The following PGAM5 variants were observed in gnomAD, a reference collection of about 807,000 sequenced individuals.
PGAM5 encodes serine/threonine-protein phosphatase PGAM5, mitochondrial.
PGAM5 carries 25 observed loss-of-function variants against 30.6 expected under a neutral mutation model. The observed-to-expected ratio is 0.82, with a 90% CI of 0.60 to 1.14. PGAM5 has a LOEUF of 1.14. PGAM5 is among the 50% of genes most tolerant of loss of function. The pLI is 0.00. For missense variants in PGAM5, 384 were observed against 408.5 expected (o/e 0.94, Z 0.52); for synonymous variants, 201 against 179.1 (o/e 1.12, Z -0.98).
chr12:132,712,858 G>T (rs1038760088), intron 1 of PGAM5, among the ~76,000 whole-genome samples: 3 of 151,902 alleles, frequency 2.0e-5, no homozygotes, highest in African/African-American at 7.3e-5. Context: ...TTACTCTGCC[G>T]TTAAAGAACT....
At position 132,720,818 on chromosome 12, in the gene PGAM5, C is replaced by T; in HGVS notation, c.860C>T (p.Thr287Ile). ...GGGTTCATGCCTCCCGACAAGATCA[C>T]TCGATCCTGAGGGCTCCGGCCTCTC... ...DTGFMPPDKITRS is the reference protein window; with the variant it reads ...DTGFMPPDKIIRS The change falls in exon 6 of 6, where the codon ACT becomes ATT. Residue 287 changes from threonine to isoleucine, a missense_variant. Thr to Ile is a moderately conservative substitution (Grantham distance 89). Coordinates refer to ENST00000498926, the MANE Select transcript of PGAM5 (RefSeq NM_001170543.2). 6.5e-7 allele frequency: 1 copy of T among 1,536,458 alleles called. No homozygotes were observed. Among genetic ancestry groups the T allele is most frequent in the Non-Finnish European group, 8.7e-7 (1 of 1,146,830 alleles).
chr12:132,718,012 T>G lies in PGAM5; in HGVS notation c.611T>G (p.Ile204Ser). Residue 204 changes from isoleucine to serine, a missense_variant, in exon 5 of 6, where the codon ATC becomes AGC. Ile to Ser is a moderately radical substitution (Grantham distance 142, BLOSUM62 -2). Coordinates refer to ENST00000498926, the MANE Select transcript of PGAM5 (RefSeq NM_001170543.2). ...AVQYYEDGAR[I>S]EAAFRNYIHR... ...CAGTATTACGAAGACGGAGCCCGGA[T>G]CGAGGCCGCCTTCCGGAACTACATC... 1 of 1,612,700 alleles carries G rather than the reference T, an allele frequency of 6.2e-7. No individual in the cohort carries two copies. The highest frequency in any genetic ancestry group is 8.5e-7 in the Non-Finnish European group (1 of 1,179,970).
At chr12:132,719,396 T>C (rs896402638) in intron 5 of PGAM5, among the ~76,000 whole-genome samples, 1 of 152,150 alleles carries the variant, frequency 6.6e-6, no homozygotes, top group African/African-American at 2.4e-5. Flanking sequence ...AAGTCGAGGA[T>C]GTACGGGCCG....
rs2043516025 is a variant in PGAM5 at position 132,710,990 on chromosome 12, G to A, written c.114G>A (p.Glu38=). 3.3e-6 allele frequency: 4 copies of A among 1,201,732 alleles called. No individual in the cohort carries two copies. Among genetic ancestry groups the A allele is most frequent in the East Asian group, 3.5e-5 (1 of 28,848 alleles). The allele number at this position is 1,201,732 out of a possible 1,614,324, so 74.4% of individuals were successfully genotyped here. The part of the protein sequence containing the change: ...VGKPRAGGDA[E]PRPAEPPAWA... ...AGCCGCGCGCAGGCGGGGACGCGGA[G>A]CCACGCCCGGCTGAGCCGCCGGCCT... The change falls in exon 1 of 6, where the codon GAG becomes GAA. Residue 38 remains glutamate (E), a synonymous_variant. Transcript: ENST00000498926.
At position 132,714,893 on chromosome 12, in the gene PGAM5, G is replaced by C; in HGVS notation, c.227G>C (p.Arg76Thr). 1 of 1,613,752 alleles carries C rather than the reference G, an allele frequency of 6.2e-7. No individual in the cohort carries two copies. The highest frequency in any genetic ancestry group is 8.5e-7 in the Non-Finnish European group (1 of 1,179,982). ...EPLSLINVRK[R>T]NVESGEEELA... is the part of the protein sequence containing the mutation. The stretch of plus-strand genomic sequence containing the variant: ...CTGTCTCTGATCAACGTGCGGAAGA[G>C]GAACGTGGAATCTGGGGAAGAAGAG... Residue 76 changes from arginine (R) to threonine (T), a missense_variant, in exon 2 of 6, where the codon AGG becomes ACG. Transcript: ENST00000498926.
intron 1 of PGAM5, among the ~76,000 whole-genome samples, chr12:132,712,872 A>C (rs2043536085): frequency 6.6e-6 from 1 of 152,012 alleles, no homozygotes; most frequent in African/African-American, 2.4e-5. Flanking sequence ...AAGAACTTGA[A>C]GTAGGCTGGG....
At chr12:132,712,077 T>C (rs1023967082) in intron 1 of PGAM5, among the ~76,000 whole-genome samples, 5 of 152,242 alleles carry the variant, frequency 3.3e-5, no homozygotes, top group Non-Finnish European at 7.3e-5. Flanking sequence ...ATTAGATTTT[T>C]ATCTTTTGTT....
chr12:132,711,035 G>T lies in PGAM5; in HGVS notation c.159G>T (p.Pro53=). 3 of 1,213,418 alleles carry T rather than the reference G, an allele frequency of 2.5e-6. No homozygotes were observed. Among genetic ancestry groups the T allele is most frequent in the Non-Finnish European group, 3.1e-6 (3 of 976,028 alleles). 75.2% of individuals were successfully genotyped at this position (1,213,418 alleles called of 1,614,324 possible). The change falls in exon 1 of 6, where the codon CCG becomes CCT. Residue 53 remains proline (P), a synonymous_variant. Coordinates refer to ENST00000498926, the MANE Select transcript of PGAM5 (RefSeq NM_001170543.2). The part of the protein sequence containing the change: ...EPPAWAGGAR[P]GPGVWDPNWD... ...CGGCCTGGGCGGGGGGCGCGCGGCC[G>T]GGCCCCGGTGTCTGGGACCCCAACT...
intron 5 of PGAM5, chr12:132,718,875 C>CGCT (rs2043615638): frequency 6.2e-7 from 1 of 1,610,890 alleles, no homozygotes; most frequent in Non-Finnish European, 8.5e-7. Flanking sequence ...TCGGGGTGTC[C>CGCT]GCTCCCCTCT....
intron 1 of PGAM5, among the ~76,000 whole-genome samples, chr12:132,714,329 A>C (rs2043551331): frequency 6.6e-6 from 1 of 152,206 alleles, no homozygotes; most frequent in Admixed American, 6.5e-5. Context: ...AGGGTCTAAA[A>C]TGTGCTTAGT....
chr12:132,714,866 C>T lies in PGAM5; in HGVS notation c.200C>T (p.Pro67Leu), dbSNP rs541252386. 1 of 1,613,670 alleles carries T rather than the reference C, an allele frequency of 6.2e-7. No homozygotes were observed. The highest frequency in any genetic ancestry group is 1.3e-5 in the African/African-American group (1 of 75,070). Residue 67 changes from proline (P) to leucine (L), a missense_variant, in exon 2 of 6, where the codon CCA (proline) becomes CTA (leucine). Transcript: ENST00000498926. ...TTGTATTTCAACATCAGGCGAGAAC[C>T]ACTGTCTCTGATCAACGTGCGGAAG... Reference protein sequence around the residue: ...VWDPNWDRREPLSLINVRKRN... With the variant: ...VWDPNWDRRELLSLINVRKRN...
intron 5 of PGAM5, among the ~76,000 whole-genome samples, chr12:132,720,377 A>G (rs184783778): frequency 2.1e-4 from 32 of 149,124 alleles, no homozygotes; most frequent in Admixed American, 5.4e-4. Flanking sequence ...GCGCGATCTC[A>G]GCTCACTGCA....
intron 4 of PGAM5, 37 bp downstream of exon 4, chr12:132,717,835 G>A (rs936830302): frequency 4.4e-6 from 7 of 1,579,428 alleles, no homozygotes; most frequent in African/African-American, 1.4e-5. Flanking sequence ...TGTCACCCTC[G>A]CCTTCCCTGG....
chr12:132,713,946 T>G (rs1047510973), intron 1 of PGAM5, among the ~76,000 whole-genome samples: 1 of 151,856 alleles, frequency 6.6e-6, no homozygotes, highest in Non-Finnish European at 1.5e-5. Context: ...TGGGATCCAC[T>G]CTTTTTCAGA....
intron 2 of PGAM5, among the ~76,000 whole-genome samples, chr12:132,716,817 C>T (rs530138474): frequency 4.9e-4 from 75 of 152,346 alleles, no homozygotes; most frequent in South Asian, 8.3e-4. Context: ...CCTCCACAGA[C>T]GCCGCCCCCC....
At chr12:132,716,832 C>T (rs180838446) in intron 2 of PGAM5, among the ~76,000 whole-genome samples, 18 of 152,320 alleles carry the variant, frequency 1.2e-4, no homozygotes, top group Non-Finnish European at 2.6e-4. Context: ...CCCCCCAGTC[C>T]CCAGAGCTGT....
rs1254337861 is a variant in PGAM5, at chr12:132,722,281, C to T, written c.*1453C>T. The T allele has an allele frequency of 5.4e-5, 8 of 148,160 alleles. No individual in the cohort carries two copies. The highest frequency in any genetic ancestry group is 2.0e-4 in the East Asian group (1 of 4,950). 9.2% of individuals were successfully genotyped at this position (148,160 alleles called of 1,614,324 possible). ...TTTTTTTTTTTTGGAGACGGAGTCT[C>T]GCTCTGTCACCCAGGCTGGAGTGCA... On this transcript the variant is annotated 3_prime_UTR_variant, in exon 6 of 6. Transcript: ENST00000498926.
At chr12:132,719,727 C>T (rs866619826) in intron 5 of PGAM5, among the ~76,000 whole-genome samples, 16 of 152,362 alleles carry the variant, frequency 1.1e-4, no homozygotes, top group Admixed American at 3.9e-4. Context: ...TGTGCTGTTC[C>T]GGCCGGTGCC....
chr12:132,720,589 A>G, intron 5 of PGAM5, 89 bp from the exon 6 acceptor site: 1 of 1,373,568 alleles, frequency 7.3e-7, no homozygotes, highest in Non-Finnish European at 9.7e-7. Flanking sequence ...TACAGGTGTG[A>G]GCCACCATGC....
Sources: allele counts gnomAD v4.1 joint callset (sites outside exome capture counted in the v4.1 genomes callset), GRCh38; gene constraint gnomAD v4.1.1; transcripts MANE v1.5; gene names NCBI Gene and HGNC (gene_info 2026-07-23, HGNC 2026-07-21).